Variants in IMMP2L observed in about 807,000 individuals in gnomAD.
IMMP2L encodes inner mitochondrial membrane peptidase subunit 2.
In IMMP2L, 18 loss-of-function variants were observed where a neutral mutation model predicts 19.3. The ratio of observed to expected loss-of-function variants is 0.93; its 90% CI spans 0.64 to 1.38. The LOEUF is 1.38. Among genes scored for constraint, IMMP2L ranks in the 40% most tolerant of loss-of-function variants. The pLI is 0.00. For missense variants in IMMP2L, 233 were observed against 218.2 expected (o/e 1.07, Z -0.43); for synonymous variants, 76 against 73.0 (o/e 1.04, Z -0.21).
intron 3 of IMMP2L, among the ~76,000 whole-genome samples, chr7:111,221,700 T>C (rs1469080712): frequency 6.6e-6 from 1 of 152,028 alleles, no homozygotes; most frequent in Non-Finnish European, 1.5e-5. Flanking sequence ...TGGCAATTAA[T>C]AGATCAATTT....
chr7:111,336,743 T>C (rs952403204), intron 3 of IMMP2L, among the ~76,000 whole-genome samples: 1 of 152,052 alleles, frequency 6.6e-6, no homozygotes, highest in African/African-American at 2.4e-5. Flanking sequence ...ACTTATTTTA[T>C]AGTATTGATC....
At chr7:111,300,706 T>C (rs1163436604) in intron 3 of IMMP2L, among the ~76,000 whole-genome samples, 8 of 152,158 alleles carry the variant, frequency 5.3e-5, no homozygotes, top group Non-Finnish European at 1.0e-4. Context: ...TATTCACTTG[T>C]GACCTATGTG....
intron 3 of IMMP2L, among the ~76,000 whole-genome samples, chr7:110,977,938 C>T (rs562561593): frequency 6.6e-6 from 1 of 152,064 alleles, no homozygotes; most frequent in Non-Finnish European, 1.5e-5. Flanking sequence ...GCCGAAGTTC[C>T]GTAAACCAAT....
At chr7:110,781,090 T>A (rs144317989) in intron 5 of IMMP2L, among the ~76,000 whole-genome samples, 2 of 152,128 alleles carry the variant, frequency 1.3e-5, no homozygotes, top group East Asian at 3.9e-4. Context: ...CATGAGTTTA[T>A]AAGAATTTGT....
At chr7:111,212,511 T>C (rs1192158387) in intron 3 of IMMP2L, among the ~76,000 whole-genome samples, 1 of 151,818 alleles carries the variant, frequency 6.6e-6, no homozygotes, top group Non-Finnish European at 1.5e-5. Flanking sequence ...TTCAGGAGGA[T>C]GAAGTGACAG....
At chr7:111,017,171 A>T (rs1454776915) in intron 3 of IMMP2L, among the ~76,000 whole-genome samples, 1 of 150,514 alleles carries the variant, frequency 6.6e-6, no homozygotes, top group South Asian at 2.1e-4. Context: ...GGGCTGAATC[A>T]ATCCTCCTGC....
At chr7:111,374,657 T>G (rs1301063960) in intron 3 of IMMP2L, among the ~76,000 whole-genome samples, 1 of 152,102 alleles carries the variant, frequency 6.6e-6, no homozygotes, top group East Asian at 1.9e-4. Flanking sequence ...AGTCAGACCC[T>G]GAGAGTCAAA....
chr7:111,085,258 T>A (rs1796218021), intron 3 of IMMP2L, among the ~76,000 whole-genome samples: 1 of 152,206 alleles, frequency 6.6e-6, no homozygotes, highest in Non-Finnish European at 1.5e-5. Context: ...GACCTTTGGG[T>A]ATATACACAG....
At chr7:111,414,665 T>C (rs570495704) in intron 3 of IMMP2L, among the ~76,000 whole-genome samples, 5 of 151,910 alleles carry the variant, frequency 3.3e-5, no homozygotes, top group South Asian at 2.1e-4. Flanking sequence ...GTATAGACTT[T>C]AGTTAATAAT....
At chr7:110,811,744 T>C (rs1802055052) in intron 5 of IMMP2L, among the ~76,000 whole-genome samples, 1 of 152,172 alleles carries the variant, frequency 6.6e-6, no homozygotes, top group East Asian at 1.9e-4. Flanking sequence ...GCTGTATTTA[T>C]TGCCTGGCAT....
intron 3 of IMMP2L, among the ~76,000 whole-genome samples, chr7:111,342,908 G>A (rs544170437): frequency 2.0e-5 from 3 of 151,806 alleles, no homozygotes; most frequent in Admixed American, 1.3e-4. Context: ...CAAAACCCCA[G>A]CAAACTACCA....
chr7:111,251,236 A>C (rs1459809105), intron 3 of IMMP2L, among the ~76,000 whole-genome samples: 3 of 152,230 alleles, frequency 2.0e-5, no homozygotes, highest in African/African-American at 7.2e-5. Flanking sequence ...ATTATTAAAA[A>C]GTCAAGAAAC....
intron 5 of IMMP2L, among the ~76,000 whole-genome samples, chr7:110,684,763 C>T (rs995313457): frequency 2.0e-5 from 3 of 151,984 alleles, no homozygotes; most frequent in African/African-American, 7.2e-5. Context: ...TGTGCCCTCT[C>T]CCGGTGCTAA....
intron 3 of IMMP2L, among the ~76,000 whole-genome samples, chr7:110,973,821 A>G (rs1212399476): frequency 3.9e-5 from 6 of 152,142 alleles, no homozygotes; most frequent in Non-Finnish European, 2.9e-5. Context: ...TACAGCTGTC[A>G]TGTTGATGCT....
At chr7:111,383,944 T>C (rs1008384829) in intron 3 of IMMP2L, among the ~76,000 whole-genome samples, 1 of 152,238 alleles carries the variant, frequency 6.6e-6, no homozygotes, top group African/African-American at 2.4e-5. Context: ...TTGTGTCTTA[T>C]TTATATCTCA....
chr7:111,316,881 C>T lies in IMMP2L; in HGVS notation c.239+170357G>A, dbSNP rs1053466254. Among the ~76,000 whole-genome samples the T allele has an allele frequency of 5.2e-5, 6 of 114,960 alleles. No homozygotes were observed. In the East Asian group the frequency reaches 1.4e-3, roughly 27 times the overall value. 75.4% of individuals were successfully genotyped at this position (114,960 alleles called of 152,430 possible). A position where few individuals can be genotyped will look rare whatever the true frequency, so the allele number is the denominator to read the frequency against. On this transcript the variant is annotated intron_variant, in intron 3 of 5. Coordinates refer to ENST00000405709, the MANE Select transcript of IMMP2L (RefSeq NM_032549.4). The stretch of plus-strand genomic sequence containing the variant: ...TTTTTTTTTTTTTGAGATGGAGTCT[C>T]GCTATGTCGCCAGACTGGAGTGCAG...
chr7:111,265,243 T>A (rs935526012), intron 3 of IMMP2L, among the ~76,000 whole-genome samples: 4 of 152,192 alleles, frequency 2.6e-5, no homozygotes, highest in Non-Finnish European at 2.9e-5. Flanking sequence ...GAACATAGAA[T>A]AGGCTATATT....
chr7:111,269,165 G>C (rs1818178331), intron 3 of IMMP2L, among the ~76,000 whole-genome samples: 4 of 152,058 alleles, frequency 2.6e-5, no homozygotes, highest in African/African-American at 7.2e-5. Context: ...GCGATAAGAG[G>C]CTTCACTGTA....
chr7:110,831,023 C>A (rs575078561), intron 5 of IMMP2L, among the ~76,000 whole-genome samples: 121 of 152,246 alleles, frequency 7.9e-4, no homozygotes, highest in Non-Finnish European at 1.4e-3. Context: ...GCTGGCCTGG[C>A]CCTGGGGGAG....
Sources: gnomAD v4.1 joint callset for allele counts (sites outside exome capture counted in the v4.1 genomes callset) on GRCh38, gnomAD v4.1.1 for gene constraint, MANE v1.5 for transcripts, NCBI Gene and HGNC (gene_info 2026-07-23, HGNC 2026-07-21) for gene names.